The following CAST variants were observed in gnomAD, a reference collection of about 807,000 sequenced individuals.
CAST encodes calpastatin.
A neutral mutation model predicts 119.6 loss-of-function variants in CAST; 76 were observed. The observed-to-expected ratio is 0.64, with a 90% CI of 0.53 to 0.77. CAST has a LOEUF of 0.77. CAST is among the 30% of genes least tolerant of loss of function. CAST has a pLI of 0.00. For synonymous variants in CAST, 319 were observed against 331.6 expected (o/e 0.96, Z 0.41); for missense variants, 953 against 946.5 (o/e 1.01, Z -0.09).
rs1415269905 is a variant in CAST at position 96,773,447 on chromosome 5, T to C, written c.*831T>C. ...CTTGAACTCTGTTGGTTTACTGTGT[T>C]AGTAAACTGTGCTTTCTATTATCTA... On this transcript the variant is annotated 3_prime_UTR_variant, in exon 32 of 32. Coordinates refer to ENST00000675179, the MANE Select transcript of CAST (RefSeq NM_001750.7). 1 of 152,400 alleles carries C rather than the reference T, an allele frequency of 6.6e-6. No homozygotes were observed. Among genetic ancestry groups the C allele is most frequent in the Admixed American group, 6.5e-5 (1 of 15,280 alleles). The allele number at this position is 152,400 out of a possible 1,614,324, so 9.4% of individuals were successfully genotyped here. A position where few individuals can be genotyped will look rare whatever the true frequency, so the allele number is the denominator to read the frequency against.
chr5:96,496,341 T>C, the CAST span, among the ~76,000 whole-genome samples: 1 of 152,206 alleles, frequency 6.6e-6, no homozygotes, highest in African/African-American at 2.4e-5. Flanking sequence ...ACAGGGGTAG[T>C]TGGAAAAACT....
chr5:96,534,792 AG>A, intron 1 of CAST, among the ~76,000 whole-genome samples: 1 of 129,244 alleles, frequency 7.7e-6, no homozygotes, highest in African/African-American at 2.9e-5. Context: ...AAAGAAAGAA[AG>A]AAAGAAAGAA....
the CAST span, among the ~76,000 whole-genome samples, chr5:96,178,789 T>C: frequency 1.3e-5 from 2 of 152,196 alleles, no homozygotes; most frequent in African/African-American, 4.8e-5. Context: ...GTACATGGGA[T>C]AATATGATGG....
the CAST span, among the ~76,000 whole-genome samples, chr5:96,112,535 G>A: frequency 6.6e-6 from 1 of 152,112 alleles, no homozygotes; most frequent in South Asian, 2.1e-4. Context: ...ATAATACATA[G>A]TTGCTATTAA....
chr5:96,164,282 C>T, the CAST span, among the ~76,000 whole-genome samples: 13 of 152,128 alleles, frequency 8.5e-5, no homozygotes, highest in Non-Finnish European at 1.8e-4. Flanking sequence ...TCTCTGTTCA[C>T]AGAAATGTAT....
chr5:96,770,816 C>T (rs1329237679), intron 30 of CAST, among the ~76,000 whole-genome samples: 1 of 152,096 alleles, frequency 6.6e-6, no homozygotes, highest in Non-Finnish European at 1.5e-5. Flanking sequence ...AATGAATGTT[C>T]TTGACACAAC....
At chr5:96,446,100 T>C in the CAST span, among the ~76,000 whole-genome samples, 1 of 150,068 alleles carries the variant, frequency 6.7e-6, no homozygotes, top group Admixed American at 6.7e-5. Flanking sequence ...GACTTCCAAA[T>C]GATATAGTGA....
At chr5:96,646,391 G>A (rs997938838) in intron 1 of CAST, among the ~76,000 whole-genome samples, 1 of 152,206 alleles carries the variant, frequency 6.6e-6, no homozygotes, top group Non-Finnish European at 1.5e-5. Flanking sequence ...CCAGGCAACA[G>A]TTAAATGTAG....
chr5:96,566,137 G>A (rs955647552), intron 1 of CAST, among the ~76,000 whole-genome samples: 1 of 152,168 alleles, frequency 6.6e-6, no homozygotes, highest in African/African-American at 2.4e-5. Context: ...CTCTAATGAT[G>A]TCTTCAGTGG....
At chr5:96,269,905 C>A in the CAST span, among the ~76,000 whole-genome samples, 113 of 152,128 alleles carry the variant, frequency 7.4e-4, no homozygotes, top group African/African-American at 2.6e-3. Context: ...GTCAGTGTTA[C>A]CCTTATACCA....
intron 1 of CAST, among the ~76,000 whole-genome samples, chr5:96,563,321 T>TAG (rs1746414904): frequency 6.6e-6 from 1 of 152,214 alleles, no homozygotes; most frequent in Non-Finnish European, 1.5e-5. Context: ...TAATCTGTCT[T>TAG]TTGTCATATG....
intron 2 of CAST, chr5:96,679,363 A>C (rs1751075808): frequency 6.6e-6 from 1 of 152,246 alleles, no homozygotes; most frequent in Non-Finnish European, 1.5e-5. Flanking sequence ...TAACAAGCCA[A>C]AGATAAAATA....
At chr5:96,342,413 G>A in the CAST span, among the ~76,000 whole-genome samples, 9 of 152,280 alleles carry the variant, frequency 5.9e-5, no homozygotes, top group Non-Finnish European at 7.4e-5. Context: ...CCAATGCAGC[G>A]GGGCTGGATT....
chr5:96,610,027 C>T (rs1406217314), intron 1 of CAST, among the ~76,000 whole-genome samples: 1 of 152,064 alleles, frequency 6.6e-6, no homozygotes, highest in East Asian at 1.9e-4. Context: ...TCCCATAATC[C>T]CCACATGTCC....
At chr5:96,408,159 AGT>A in the CAST span, 19 of 1,156,762 alleles carry the variant, frequency 1.6e-5, no homozygotes, top group Admixed American at 3.5e-4. Flanking sequence ...CAGAAAAAAA[AGT>A]GTTATTAAAA....
chr5:96,509,447 C>T, the CAST span, among the ~76,000 whole-genome samples: 1 of 152,194 alleles, frequency 6.6e-6, no homozygotes, highest in Non-Finnish European at 1.5e-5. Flanking sequence ...AGCTCTGTGA[C>T]TCATACCACC....
intron 1 of CAST, among the ~76,000 whole-genome samples, chr5:96,613,358 G>A (rs574271373): frequency 1.5e-4 from 23 of 152,232 alleles, no homozygotes; most frequent in Non-Finnish European, 2.5e-4. Flanking sequence ...GTCTTTCAAT[G>A]AAATTTCATA....
the CAST span, among the ~76,000 whole-genome samples, chr5:96,491,768 A>T: frequency 3.3e-5 from 5 of 152,178 alleles, 1 homozygote; most frequent in Non-Finnish European, 7.3e-5. Context: ...ATGTCTATCA[A>T]CAGTAGAATG....
At chr5:96,377,952 T>C in the CAST span, among the ~76,000 whole-genome samples, 1 of 152,190 alleles carries the variant, frequency 6.6e-6, no homozygotes, top group African/African-American at 2.4e-5. Flanking sequence ...ATGTGGTATG[T>C]ATATATACAA....
Sources: allele counts gnomAD v4.1 joint callset (sites outside exome capture counted in the v4.1 genomes callset), GRCh38; gene constraint gnomAD v4.1.1; transcripts MANE v1.5; gene names NCBI Gene and HGNC (gene_info 2026-07-23, HGNC 2026-07-21).